The following TEX11 variants were observed in gnomAD, a reference collection of about 807,000 sequenced individuals.
TEX11 encodes testis expressed 11, also known as testis-expressed protein 11.
TEX11 carries 7 observed loss-of-function variants against 84.4 expected under a neutral mutation model. The observed-to-expected ratio is 0.08, with a 90% CI of 0.05 to 0.16. The LOEUF (loss-of-function observed/expected upper bound fraction) is 0.16, where lower values mean the gene tolerates loss of function less well. TEX11 is among the 10% of genes least tolerant of loss of function. The pLI, the probability that TEX11 is intolerant of heterozygous loss-of-function variation, is 1.00. For missense variants in TEX11, 551 were observed against 660.5 expected (o/e 0.83, Z 1.82); for synonymous variants, 264 against 222.8 (o/e 1.18, Z -1.64).
chrX:70,778,473 A>C (rs191172912), intron 9 of TEX11, among the ~76,000 whole-genome samples: 1 of 110,998 alleles, frequency 9.0e-6, no homozygotes, highest in East Asian at 2.9e-4. Flanking sequence ...ACAACAACAA[A>C]AAACAGGGCC....
intron 13 of TEX11, among the ~76,000 whole-genome samples, chrX:70,689,777 A>G (rs1186289712): frequency 1.8e-5 from 2 of 112,267 alleles, no homozygotes; most frequent in Non-Finnish European, 3.8e-5. Flanking sequence ...TATCTAGATA[A>G]GTATGCCTTT....
At chrX:70,534,090 CAAAAAAAAAAAAAAA>C (rs1168310559) in intron 28 of TEX11, among the ~76,000 whole-genome samples, 1 of 21,730 alleles carries the variant, frequency 4.6e-5, no homozygotes, top group Non-Finnish European at 7.2e-5. Context: ...GACTCCATCT[CAAAAAAAAAAAAAAA>C]AAAAAAAAAA....
chrX:70,528,812 C>T, downstream of TEX11: 1 of 293,228 alleles, frequency 3.4e-6, no homozygotes, highest in East Asian at 5.8e-5. Flanking sequence ...CTGTGTTGAA[C>T]TGGGATGAAC....
In TEX11 at chrX:70,878,383, G is replaced by A. The variant is rs773682987; in HGVS notation, c.159+1605C>T. Among the ~76,000 whole-genome samples, 7 of 110,046 alleles carry A rather than the reference G, an allele frequency of 6.4e-5. No homozygotes were observed. The South Asian group carries it at 2.7e-3, about 43-fold the overall frequency. On this transcript the variant is annotated intron_variant, in intron 3 of 29. Coordinates refer to ENST00000374333, the MANE Select transcript of TEX11 (RefSeq NM_031276.3). ...AGACAGGGTTTCACTGTGTTAGCCA[G>A]GATGGTCTCGATCTCCTGACCTTGT...
chrX:70,594,393 T>C (rs890855638), intron 24 of TEX11, among the ~76,000 whole-genome samples: 1 of 110,962 alleles, frequency 9.0e-6, no homozygotes, highest in Non-Finnish European at 1.9e-5. Flanking sequence ...TGAATCCAGA[T>C]GAAAAAACAA....
intron 24 of TEX11, among the ~76,000 whole-genome samples, chrX:70,602,145 G>T (rs1364409974): frequency 8.9e-6 from 1 of 112,061 alleles, no homozygotes; most frequent in Non-Finnish European, 1.9e-5. Flanking sequence ...TCCTGGATAG[G>T]GCGGCTGGCC....
At chrX:70,593,017 G>A (rs1357772668) in intron 24 of TEX11, among the ~76,000 whole-genome samples, 1 of 108,102 alleles carries the variant, frequency 9.3e-6, no homozygotes, top group Non-Finnish European at 1.9e-5. Context: ...TCTTTTAATT[G>A]GAACAGGCTG....
At chrX:70,720,675 T>C (rs1299293110) in intron 13 of TEX11, among the ~76,000 whole-genome samples, 1 of 109,648 alleles carries the variant, frequency 9.1e-6, no homozygotes, top group African/African-American at 3.3e-5. Flanking sequence ...GCTTATTTTA[T>C]TCACTTTCCA....
intron 9 of TEX11, among the ~76,000 whole-genome samples, chrX:70,795,700 A>G (rs765149165): frequency 2.7e-5 from 3 of 110,874 alleles, no homozygotes; most frequent in African/African-American, 9.8e-5. Context: ...CTGCTTGGTA[A>G]TCCAGAGAAT....
chrX:70,713,871 T>A (rs1197918001), intron 13 of TEX11, among the ~76,000 whole-genome samples: 1 of 111,750 alleles, frequency 8.9e-6, no homozygotes, highest in African/African-American at 3.3e-5. Flanking sequence ...CTAGTTCTTT[T>A]AATTGTAATG....
intron 9 of TEX11, among the ~76,000 whole-genome samples, chrX:70,771,617 T>C (rs201711111): frequency 8.9e-6 from 1 of 112,589 alleles, no homozygotes; most frequent in Non-Finnish European, 1.9e-5. Context: ...AGATGCTCAC[T>C]TTACAATCCA....
At chrX:70,581,864 G>A (rs1433070482) in intron 25 of TEX11, among the ~76,000 whole-genome samples, 3 of 111,580 alleles carry the variant, frequency 2.7e-5, no homozygotes, top group African/African-American at 9.8e-5. Context: ...ATGAGCAATA[G>A]TGACAAATGG....
chrX:70,847,209 G>T (rs1602179524), intron 7 of TEX11, among the ~76,000 whole-genome samples: 1 of 111,720 alleles, frequency 9.0e-6, no homozygotes, highest in Non-Finnish European at 1.9e-5. Flanking sequence ...GCCAGAAGCA[G>T]ATGCTGGCAT....
intron 28 of TEX11, among the ~76,000 whole-genome samples, chrX:70,543,965 G>GT (rs1297121357): frequency 8.9e-6 from 1 of 111,934 alleles, no homozygotes; most frequent in African/African-American, 3.3e-5. Flanking sequence ...TAACCCAGAG[G>GT]TAAGTATTTG....
At chrX:70,829,604 A>T (rs1217601194) in intron 8 of TEX11, among the ~76,000 whole-genome samples, 2 of 111,327 alleles carry the variant, frequency 1.8e-5, no homozygotes, top group Non-Finnish European at 3.8e-5. Context: ...ACCAAACAGA[A>T]ATAATAACCA....
downstream of TEX11, among the ~76,000 whole-genome samples, chrX:70,527,533 T>A (rs144624690): frequency 6.5e-3 from 726 of 112,299 alleles, 3 homozygotes; most frequent in East Asian, 0.014. Context: ...GATTGAGGAA[T>A]CATTTCAGTT....
In TEX11 at chrX:70,544,836, C is replaced by CAAA. The variant is rs140403649; in HGVS notation, c.2520+7287_2520+7289dup. On this transcript the variant is annotated intron_variant, in intron 28 of 29. Coordinates refer to ENST00000374333, the MANE Select transcript of TEX11 (RefSeq NM_031276.3). ...CGTCAGTGACAGCGAGACTCCATCTCAAAAAAAAAAAAAAAAAAAAAACCC... is the reference window on the plus strand; with the variant it reads ...CGTCAGTGACAGCGAGACTCCATCTCAAAAAAAAAAAAAAAAAAAAAAAAACCC... Among the ~76,000 whole-genome samples, 250 of 25,958 alleles carry CAAA rather than the reference C, an allele frequency of 9.6e-3. 1 individual carries two copies. The highest frequency in any genetic ancestry group is 0.013 in the Non-Finnish European group (165 of 12,697). 22.5% of individuals were successfully genotyped at this position (25,958 alleles called of 115,157 possible). A position where few individuals can be genotyped will look rare whatever the true frequency, so the allele number is the denominator to read the frequency against.
chrX:70,907,690 C>CA (rs2091841426), intron 2 of TEX11, 63 bp downstream of exon 2: 1 of 911,701 alleles, frequency 1.1e-6, no homozygotes, highest in Non-Finnish European at 1.6e-6. Context: ...CCGCGCCCAG[C>CA]AATATTTAGA....
chrX:70,623,608 C>T (rs2089419185), intron 20 of TEX11, among the ~76,000 whole-genome samples: 1 of 111,927 alleles, frequency 8.9e-6, no homozygotes, highest in South Asian at 3.7e-4. Context: ...CTAAATGTTT[C>T]ACATGTATTA....
Sources: allele counts gnomAD v4.1 joint callset (sites outside exome capture counted in the v4.1 genomes callset), GRCh38; gene constraint gnomAD v4.1.1; transcripts MANE v1.5; gene names NCBI Gene and HGNC (gene_info 2026-07-23, HGNC 2026-07-21).